SEMA3A: variants seen among roughly 807,000 people sequenced by gnomAD.
SEMA3A encodes semaphorin 3A.
SEMA3A carries 29 observed loss-of-function variants against 97.9 expected under a neutral mutation model. That is an observed-to-expected ratio of 0.30 (90% CI 0.22 to 0.40). SEMA3A has a LOEUF of 0.40. Among genes scored for constraint, SEMA3A ranks in the 10% least tolerant of loss-of-function variants. The pLI is 1.00. For missense variants in SEMA3A, 763 were observed against 951.3 expected, an observed-to-expected ratio of 0.80 and a Z score of 2.60; for synonymous variants, 321 against 323.7, an observed-to-expected ratio of 0.99 and a Z score of 0.09.
At chr7:84,286,763 A>C (rs1800600681) in intron 3 of SEMA3A, among the ~76,000 whole-genome samples, 1 of 152,078 alleles carries the variant, frequency 6.6e-6, no homozygotes, top group Admixed American at 6.6e-5. Context: ...CTTATTCTTC[A>C]AGAATATGTT....
At chr7:84,098,946 C>A (rs1417160839) in intron 4 of SEMA3A, among the ~76,000 whole-genome samples, 1 of 151,824 alleles carries the variant, frequency 6.6e-6, no homozygotes, top group African/African-American at 2.4e-5. Context: ...AAGCTATCAA[C>A]CATGCCAACA....
chr7:84,406,001 A>C (rs916771635), intron 1 of SEMA3A, among the ~76,000 whole-genome samples: 1 of 152,040 alleles, frequency 6.6e-6, no homozygotes, highest in African/African-American at 2.4e-5. Flanking sequence ...AGAGAAGCAA[A>C]AGGAAACACA....
chr7:84,062,449 A>G (rs1405325217), intron 4 of SEMA3A, among the ~76,000 whole-genome samples: 3 of 152,238 alleles, frequency 2.0e-5, no homozygotes, highest in Admixed American at 6.5e-5. Flanking sequence ...GCTCCGGTCT[A>G]CGGCTCCCAG....
intron 4 of SEMA3A, among the ~76,000 whole-genome samples, chr7:84,076,872 C>CA (rs869132324): frequency 6.6e-6 from 1 of 151,950 alleles, no homozygotes; most frequent in Non-Finnish European, 1.5e-5. Flanking sequence ...TGGGTTCCCC[C>CA]AAAAAACATT....
At chr7:84,416,697 T>C (rs1299222076) in intron 1 of SEMA3A, among the ~76,000 whole-genome samples, 2 of 152,096 alleles carry the variant, frequency 1.3e-5, no homozygotes, top group Non-Finnish European at 2.9e-5. Flanking sequence ...TGAATAAAGG[T>C]AGGAGCTATC....
chr7:84,479,737 C>T (rs1450726673), intron 1 of SEMA3A, among the ~76,000 whole-genome samples: 2 of 152,068 alleles, frequency 1.3e-5, no homozygotes, highest in Non-Finnish European at 2.9e-5. Context: ...TGTGAATATA[C>T]GTCAATGACA....
At chr7:84,016,245 G>T (rs1791092715) in intron 6 of SEMA3A, among the ~76,000 whole-genome samples, 1 of 152,068 alleles carries the variant, frequency 6.6e-6, no homozygotes, top group Non-Finnish European at 1.5e-5. Context: ...GAGCACATAT[G>T]TAACAGAAAC....
chr7:84,385,374 G>A (rs1803371447), intron 1 of SEMA3A, among the ~76,000 whole-genome samples: 1 of 152,086 alleles, frequency 6.6e-6, no homozygotes, highest in Non-Finnish European at 1.5e-5. Flanking sequence ...ACTGGGTTTT[G>A]GGGAATGTCC....
chr7:84,393,736 T>G (rs573329932), intron 1 of SEMA3A, among the ~76,000 whole-genome samples: 1 of 152,140 alleles, frequency 6.6e-6, no homozygotes, highest in African/African-American at 2.4e-5. Flanking sequence ...GGGTGCCATA[T>G]TTGATAAACA....
chr7:84,102,082 G>C (rs140161670), intron 4 of SEMA3A, among the ~76,000 whole-genome samples: 5 of 152,134 alleles, frequency 3.3e-5, no homozygotes, highest in Admixed American at 6.6e-5. Flanking sequence ...CCTTTGAACA[G>C]AGGTGTTCTA....
chr7:84,034,828 T>C (rs888908168), intron 6 of SEMA3A, among the ~76,000 whole-genome samples: 1 of 152,130 alleles, frequency 6.6e-6, no homozygotes, highest in Non-Finnish European at 1.5e-5. Flanking sequence ...ATGGAGTTGT[T>C]TGCGTAGGTA....
At chr7:84,095,130 A>T (rs1248522435) in intron 4 of SEMA3A, among the ~76,000 whole-genome samples, 3 of 147,892 alleles carry the variant, frequency 2.0e-5, no homozygotes, top group Admixed American at 6.8e-5. Flanking sequence ...ATATTGCATT[A>T]TATATATTGC....
chr7:84,079,578 G>T (rs570106321), intron 4 of SEMA3A, among the ~76,000 whole-genome samples: 8 of 152,028 alleles, frequency 5.3e-5, no homozygotes, highest in African/African-American at 1.9e-4. Context: ...AAGACATTTA[G>T]GCAGCCAACA....
At chr7:83,962,037 G>A (rs1788493401) in intron 16 of SEMA3A, among the ~76,000 whole-genome samples, 1 of 151,948 alleles carries the variant, frequency 6.6e-6, no homozygotes, top group Non-Finnish European at 1.5e-5. Flanking sequence ...GAAAGTATTG[G>A]TTATATTACT....
rs571342051 is a variant in SEMA3A, at chr7:84,180,377, T to C, written c.112+14098A>G. Among the ~76,000 whole-genome samples, 12 of 152,238 alleles carry C rather than the reference T, an allele frequency of 7.9e-5. No homozygotes were observed. In the East Asian group the frequency reaches 2.1e-3, roughly 27 times the overall value. On this transcript the variant is annotated intron_variant, in intron 1 of 16. Coordinates refer to ENST00000265362, the MANE Select transcript of SEMA3A (RefSeq NM_006080.3). ...AGAATTAATTCTATTTTTGAAAATT[T>C]TGTATTTTTTAAAAAATTAACCTGA... is the stretch of plus-strand genomic sequence containing the variant.
chr7:84,137,708 A>G (rs1796183688), intron 1 of SEMA3A, among the ~76,000 whole-genome samples: 1 of 151,090 alleles, frequency 6.6e-6, no homozygotes, highest in Non-Finnish European at 1.5e-5. Flanking sequence ...AAAAAAAAAA[A>G]AAAGCCACCT....
intron 1 of SEMA3A, among the ~76,000 whole-genome samples, chr7:84,387,788 T>C (rs1803437617): frequency 6.6e-6 from 1 of 152,178 alleles, no homozygotes; most frequent in Non-Finnish European, 1.5e-5. Flanking sequence ...ATATTAAAAC[T>C]CTACATTTGT....
At chr7:84,128,894 GA>G (rs1023398925) in intron 3 of SEMA3A, among the ~76,000 whole-genome samples, 1 of 151,826 alleles carries the variant, frequency 6.6e-6, no homozygotes, top group African/African-American at 2.4e-5. Flanking sequence ...ATCCCCGAGG[GA>G]AAAATAAAAT....
chr7:84,081,960 C>A (rs1441993798), intron 4 of SEMA3A, among the ~76,000 whole-genome samples: 5 of 152,044 alleles, frequency 3.3e-5, no homozygotes, highest in Non-Finnish European at 7.4e-5. Context: ...AATAAAGAAA[C>A]ATTTAATTAT....
Sources: gnomAD v4.1 joint callset for allele counts (sites outside exome capture counted in the v4.1 genomes callset) on GRCh38, gnomAD v4.1.1 for gene constraint, MANE v1.5 for transcripts, NCBI Gene and HGNC (gene_info 2026-07-23, HGNC 2026-07-21) for gene names.